The following UBTD2 variants were observed in gnomAD, a reference collection of about 807,000 sequenced individuals.
UBTD2 encodes ubiquitin domain-containing protein 2.
Under a neutral mutation model 19.8 loss-of-function variants are expected in UBTD2, and 9 were observed. That is an observed-to-expected ratio of 0.46 (90% CI 0.27 to 0.79). UBTD2 has a LOEUF of 0.79. Ranked by LOEUF, UBTD2 falls within the 30% of genes least tolerant of loss-of-function variation. The pLI, the probability that UBTD2 is intolerant of heterozygous loss-of-function variation, is 0.14. For synonymous variants in UBTD2, 98 were observed against 103.9 expected (o/e 0.94, Z 0.35); for missense variants, 250 against 300.4 (o/e 0.83, Z 1.24).
At chr5:172,233,829 G>C (rs1771954970) in intron 2 of UBTD2, among the ~76,000 whole-genome samples, 1 of 151,116 alleles carries the variant, frequency 6.6e-6, no homozygotes, top group South Asian at 2.1e-4. Context: ...AGGGTGGAGG[G>C]AAGAGGTCTT....
chr5:172,268,834 A>G (rs563533337), intron 1 of UBTD2, among the ~76,000 whole-genome samples: 15 of 152,340 alleles, frequency 9.8e-5, no homozygotes, highest in African/African-American at 3.6e-4. Context: ...CTAAATGCTG[A>G]TAAGATCTGA....
chr5:172,240,119 G>A (rs763155398), intron 1 of UBTD2, among the ~76,000 whole-genome samples: 13 of 152,146 alleles, frequency 8.5e-5, no homozygotes, highest in Non-Finnish European at 1.3e-4. Flanking sequence ...ACCAGACAAA[G>A]GAAAAGCTAA....
chr5:172,241,604 G>T (rs1462006300), intron 1 of UBTD2, among the ~76,000 whole-genome samples: 6 of 151,986 alleles, frequency 3.9e-5, no homozygotes, highest in Non-Finnish European at 8.8e-5. Flanking sequence ...AATTGCAGAT[G>T]ATATAATATA....
intron 1 of UBTD2, among the ~76,000 whole-genome samples, chr5:172,258,525 T>C (rs1755205112): frequency 6.6e-6 from 1 of 152,228 alleles, no homozygotes; most frequent in Non-Finnish European, 1.5e-5. Context: ...AATGTTATAG[T>C]TTGACAGGAG....
chr5:172,273,118 T>C (rs1367193609), intron 1 of UBTD2, among the ~76,000 whole-genome samples: 1 of 148,384 alleles, frequency 6.7e-6, no homozygotes, highest in Non-Finnish European at 1.5e-5. Flanking sequence ...TAAAAATCTG[T>C]CCAAAGAAGA....
At chr5:172,223,920 A>C (rs942038406) in intron 2 of UBTD2, among the ~76,000 whole-genome samples, 1 of 152,132 alleles carries the variant, frequency 6.6e-6, no homozygotes, top group Non-Finnish European at 1.5e-5. Context: ...AATGAATCAC[A>C]AGGAGCAAGA....
chr5:172,213,123 T>C (rs1363640942), intron 2 of UBTD2, among the ~76,000 whole-genome samples: 1 of 151,738 alleles, frequency 6.6e-6, no homozygotes. Context: ...CCTGAGCAGC[T>C]GGGATTACAG....
intron 1 of UBTD2, among the ~76,000 whole-genome samples, chr5:172,278,830 A>T (rs942650845): frequency 6.6e-6 from 1 of 152,138 alleles, no homozygotes; most frequent in African/African-American, 2.4e-5. Context: ...GCTGGAGTGC[A>T]ATGGCGTGAT....
chr5:172,281,022 C>T (rs147540435), intron 1 of UBTD2, among the ~76,000 whole-genome samples: 1 of 152,266 alleles, frequency 6.6e-6, no homozygotes, highest in East Asian at 1.9e-4. Flanking sequence ...AAGGGTCAAG[C>T]TATTCTAAAA....
intron 2 of UBTD2, among the ~76,000 whole-genome samples, chr5:172,225,978 C>G (rs888948414): frequency 8.2e-6 from 1 of 121,804 alleles, no homozygotes; most frequent in African/African-American, 3.2e-5. Flanking sequence ...TGCTCTGTTG[C>G]CCATGCTGGA....
rs141287586 is a variant in UBTD2, at chr5:172,279,936, C to T, written c.70+3660G>A. Among the ~76,000 whole-genome samples the T allele has an allele frequency of 4.3e-3, 653 of 151,874 alleles. 7 individuals are homozygous for T. The highest frequency in any genetic ancestry group is 0.015 in the African/African-American group (605 of 41,414). On this transcript the variant is annotated intron_variant, in intron 1 of 2. Coordinates refer to ENST00000393792, the MANE Select transcript of UBTD2 (RefSeq NM_152277.3). ...GACCAACACGGTGAAACCCCATCTC[C>T]ACTAAAAATATGAAATTAGCCAGGC...
chr5:172,251,768 T>C (rs185133009), intron 1 of UBTD2, among the ~76,000 whole-genome samples: 1 of 152,280 alleles, frequency 6.6e-6, no homozygotes, highest in Non-Finnish European at 1.5e-5. Context: ...ATGCTAAAGG[T>C]AATTCTTGAA....
intron 1 of UBTD2, among the ~76,000 whole-genome samples, chr5:172,266,964 C>T (rs1355413784): frequency 6.6e-6 from 1 of 151,164 alleles, no homozygotes; most frequent in Non-Finnish European, 1.5e-5. Flanking sequence ...GATTGCTTGA[C>T]CGCCCAGGAG....
At chr5:172,271,426 C>T (rs889048051) in intron 1 of UBTD2, among the ~76,000 whole-genome samples, 9 of 120,724 alleles carry the variant, frequency 7.5e-5, no homozygotes, top group African/African-American at 2.5e-4. Context: ...TAGACTCCAC[C>T]TCAAAAGAAA....
chr5:172,223,127 T>C (rs923043601), intron 2 of UBTD2, among the ~76,000 whole-genome samples: 15 of 152,178 alleles, frequency 9.9e-5, no homozygotes, highest in Admixed American at 7.2e-4. Flanking sequence ...AACTGGAAAC[T>C]AGAATGACAG....
At chr5:172,251,235 C>G (rs552055505) in intron 1 of UBTD2, among the ~76,000 whole-genome samples, 1 of 148,554 alleles carries the variant, frequency 6.7e-6, no homozygotes, top group South Asian at 2.1e-4. Context: ...AGGAGAATGG[C>G]CTGAACCCAG....
chr5:172,264,593 G>A lies in UBTD2; in HGVS notation c.70+19003C>T, dbSNP rs1020214433. On this transcript the variant is annotated intron_variant, in intron 1 of 2. Coordinates refer to ENST00000393792, the MANE Select transcript of UBTD2 (RefSeq NM_152277.3). Reference sequence around the variant, plus strand: ...AAAAAAAAACAAAACAACCCAAGGGGCTAGGCACACACCGTGGCTCATGCC... The same window carrying A: ...AAAAAAAAACAAAACAACCCAAGGGACTAGGCACACACCGTGGCTCATGCC... Among the ~76,000 whole-genome samples, 4 of 150,600 alleles carry A rather than the reference G, an allele frequency of 2.7e-5. No individual in the cohort carries two copies. The East Asian group carries it at 5.8e-4, about 22-fold the overall frequency.
At chr5:172,269,008 A>G (rs548106062) in intron 1 of UBTD2, among the ~76,000 whole-genome samples, 4 of 152,272 alleles carry the variant, frequency 2.6e-5, no homozygotes, top group Admixed American at 2.0e-4. Flanking sequence ...AGAGATTCAC[A>G]TTGAAGTGTC....
chr5:172,249,774 G>A (rs959259916), intron 1 of UBTD2, among the ~76,000 whole-genome samples: 5 of 152,172 alleles, frequency 3.3e-5, no homozygotes, highest in Non-Finnish European at 7.3e-5. Context: ...AAGGCCATAA[G>A]AAGATATGTA....
Sources: gnomAD v4.1 joint callset for allele counts (sites outside exome capture counted in the v4.1 genomes callset) on GRCh38, gnomAD v4.1.1 for gene constraint, MANE v1.5 for transcripts, NCBI Gene and HGNC (gene_info 2026-07-23, HGNC 2026-07-21) for gene names.